LRRC20: variants seen among roughly 807,000 people sequenced by gnomAD.
The protein encoded by LRRC20 is leucine rich repeat containing 20, also known as leucine-rich repeat-containing protein 20.
In LRRC20, 11 loss-of-function variants were observed where a neutral mutation model predicts 14.4. That is an observed-to-expected ratio of 0.77 (90% CI 0.48 to 1.27). The LOEUF (loss-of-function observed/expected upper bound fraction) is 1.27. Ranked by LOEUF, LRRC20 falls within the 50% of genes most tolerant of loss-of-function variation. The pLI is 0.00. For synonymous variants in LRRC20, 121 were observed against 107.3 expected, an observed-to-expected ratio of 1.13 and a Z score of -0.79; for missense variants, 219 against 251.2, an observed-to-expected ratio of 0.87 and a Z score of 0.87.
chr10:70,327,333 GGGA>G (rs1842364458), intron 3 of LRRC20, among the ~76,000 whole-genome samples: 1 of 149,300 alleles, frequency 6.7e-6, no homozygotes, highest in South Asian at 2.2e-4. Flanking sequence ...CCAGCAGTTT[GGGA>G]GGCTGAGGCA....
intron 2 of LRRC20, among the ~76,000 whole-genome samples, chr10:70,346,692 G>C (rs1013822254): frequency 6.6e-6 from 1 of 152,144 alleles, no homozygotes; most frequent in Non-Finnish European, 1.5e-5. Context: ...AAAGACAATA[G>C]AAAGAAAAAT....
intron 1 of LRRC20, among the ~76,000 whole-genome samples, chr10:70,380,063 C>A (rs1057009284): frequency 2.0e-5 from 3 of 152,178 alleles, no homozygotes; most frequent in African/African-American, 7.2e-5. Context: ...TCACAAGCCA[C>A]GGACCTATGC....
rs114550046 is a variant in LRRC20, at chr10:70,316,504, A to G, written c.400+7359T>C. Among the ~76,000 whole-genome samples the G allele has an allele frequency of 7.4e-3, 1,130 of 152,356 alleles. 15 individuals are homozygous for G. The highest frequency in any genetic ancestry group is 0.025 in the African/African-American group (1,037 of 41,580). On this transcript the variant is annotated intron_variant, in intron 4 of 4. Coordinates refer to ENST00000446961, the MANE Select transcript of LRRC20 (RefSeq NM_001278212.2). Reference sequence around the variant, plus strand: ...CCTGTGTGCTACCAGCAGAGCACCAACAGTATCCTGGACAGTTGGAGGTTT... The same window carrying G: ...CCTGTGTGCTACCAGCAGAGCACCAGCAGTATCCTGGACAGTTGGAGGTTT...
chr10:70,341,817 A>G (rs927747540), intron 2 of LRRC20, among the ~76,000 whole-genome samples: 3 of 152,160 alleles, frequency 2.0e-5, no homozygotes, highest in African/African-American at 7.2e-5. Flanking sequence ...TGTATGTTAT[A>G]GCAGCTATAG....
At chr10:70,320,572 G>A (rs932421510) in intron 4 of LRRC20, among the ~76,000 whole-genome samples, 1 of 152,142 alleles carries the variant, frequency 6.6e-6, no homozygotes, top group Non-Finnish European at 1.5e-5. Flanking sequence ...CGAGGCTTTG[G>A]AATTCCTGCT....
chr10:70,359,919 CTTTT>C (rs542983316), intron 2 of LRRC20, among the ~76,000 whole-genome samples: 2 of 141,608 alleles, frequency 1.4e-5, no homozygotes, highest in East Asian at 2.0e-4. Flanking sequence ...TTTTCTTTTT[CTTTT>C]TTTTTTTTTT....
At chr10:70,322,495 C>A (rs1358377801) in intron 4 of LRRC20, among the ~76,000 whole-genome samples, 1 of 152,156 alleles carries the variant, frequency 6.6e-6, no homozygotes, top group Non-Finnish European at 1.5e-5. Context: ...GGAGGGAGAG[C>A]CGCGCAGGCC....
At chr10:70,305,403 C>A (rs1841383725) in intron 4 of LRRC20, among the ~76,000 whole-genome samples, 1 of 152,090 alleles carries the variant, frequency 6.6e-6, no homozygotes, top group Non-Finnish European at 1.5e-5. Context: ...AGACCCCCAC[C>A]CAGATAAAAA....
At chr10:70,306,998 G>A (rs1046564338) in intron 4 of LRRC20, among the ~76,000 whole-genome samples, 4 of 152,174 alleles carry the variant, frequency 2.6e-5, no homozygotes, top group African/African-American at 9.7e-5. Flanking sequence ...CCTGGCTCCT[G>A]TATCTTTTGA....
intron 4 of LRRC20, among the ~76,000 whole-genome samples, chr10:70,321,483 G>A (rs1439481012): frequency 1.3e-5 from 2 of 152,208 alleles, no homozygotes; most frequent in Non-Finnish European, 2.9e-5. Context: ...GAAGCAGAGA[G>A]ACTCCAGCAA....
At chr10:70,370,570 T>C (rs1170350905) in intron 2 of LRRC20, among the ~76,000 whole-genome samples, 2 of 152,042 alleles carry the variant, frequency 1.3e-5, no homozygotes, top group African/African-American at 4.8e-5. Context: ...ACCCTGTCTA[T>C]ACTAAAAGTA....
intron 4 of LRRC20, among the ~76,000 whole-genome samples, chr10:70,310,383 G>A (rs1841606604): frequency 6.6e-6 from 1 of 152,188 alleles, no homozygotes; most frequent in Non-Finnish European, 1.5e-5. Flanking sequence ...TTGTTGTGGA[G>A]AGGAAAGGGA....
chr10:70,358,892 G>C (rs1329924807), intron 2 of LRRC20, among the ~76,000 whole-genome samples: 1 of 152,176 alleles, frequency 6.6e-6, no homozygotes, highest in Non-Finnish European at 1.5e-5. Context: ...CTCGCACCCA[G>C]TACAGCGCTG....
At position 70,300,704 on chromosome 10, in the gene LRRC20, T is replaced by A. The variant is rs1005668710; in HGVS notation, c.*650A>T. The A allele has an allele frequency of 1.0e-6, 1 of 985,514 alleles. No individual in the cohort carries two copies. Among genetic ancestry groups the A allele is most frequent in the African/African-American group, 1.7e-5 (1 of 57,244 alleles). The allele number at this position is 985,514 out of a possible 1,614,324, so 61.0% of individuals were successfully genotyped here. A position where few individuals can be genotyped will look rare whatever the true frequency, so the allele number is the denominator to read the frequency against. On this transcript the variant is annotated 3_prime_UTR_variant, in exon 5 of 5. Transcript: ENST00000446961. ...GACTTGCTCCCCATTCCCAGCCTGCTGGTCCTCGGGCTCCTACATGAATGT... is the reference window on the plus strand; with the variant it reads ...GACTTGCTCCCCATTCCCAGCCTGCAGGTCCTCGGGCTCCTACATGAATGT...
intron 2 of LRRC20, among the ~76,000 whole-genome samples, chr10:70,342,655 A>G (rs1842958181): frequency 6.6e-6 from 1 of 152,220 alleles, no homozygotes; most frequent in Non-Finnish European, 1.5e-5. Context: ...TGACTAACAA[A>G]GCGCCTAGAA....
At chr10:70,320,316 T>TAGATAGATAGAC (rs1338620760) in intron 4 of LRRC20, among the ~76,000 whole-genome samples, 2 of 150,954 alleles carry the variant, frequency 1.3e-5, no homozygotes, top group Non-Finnish European at 2.9e-5. Context: ...GATAGATAGA[T>TAGATAGATAGAC]AGATAGATAG....
At chr10:70,325,773 C>T (rs946889287) in intron 3 of LRRC20, among the ~76,000 whole-genome samples, 8 of 152,178 alleles carry the variant, frequency 5.3e-5, no homozygotes, top group Non-Finnish European at 7.4e-5. Flanking sequence ...GCACTGTGGA[C>T]GGGGCCCCCG....
intron 3 of LRRC20, among the ~76,000 whole-genome samples, chr10:70,338,153 A>T (rs769382652): frequency 1.3e-5 from 2 of 152,044 alleles, no homozygotes; most frequent in Non-Finnish European, 2.9e-5. Context: ...AAATGCAACA[A>T]ACTCTGTGAG....
intron 3 of LRRC20, among the ~76,000 whole-genome samples, chr10:70,337,743 C>T (rs1284191860): frequency 3.9e-5 from 6 of 152,202 alleles, no homozygotes; most frequent in Admixed American, 3.9e-4. Flanking sequence ...TGTCCATACC[C>T]GTATCACAGC....
Sources: gnomAD v4.1 joint callset for allele counts (sites outside exome capture counted in the v4.1 genomes callset) on GRCh38, gnomAD v4.1.1 for gene constraint, MANE v1.5 for transcripts, NCBI Gene and HGNC (gene_info 2026-07-23, HGNC 2026-07-21) for gene names.